The following NEGR1 variants were observed in gnomAD, a reference collection of about 807,000 sequenced individuals.
NEGR1 encodes the protein IgLON family member 4.
In NEGR1, 10 loss-of-function variants were observed where a neutral mutation model predicts 40.9. The ratio of observed to expected loss-of-function variants is 0.24; its 90% CI spans 0.15 to 0.42. The LOEUF is 0.42. NEGR1 is among the 10% of genes least tolerant of loss of function. NEGR1 has a pLI of 1.00. For synonymous variants in NEGR1, 185 were observed against 166.8 expected (o/e 1.11, Z -0.84); for missense variants, 352 against 438.9 (o/e 0.80, Z 1.77).
intron 1 of NEGR1, among the ~76,000 whole-genome samples, chr1:72,062,570 C>T (rs898631758): frequency 2.0e-5 from 3 of 151,932 alleles, no homozygotes; most frequent in African/African-American, 7.2e-5. Context: ...TTAAAAAGAA[C>T]TTTGAGGACA....
At chr1:72,076,627 G>A (rs1204540531) in intron 1 of NEGR1, among the ~76,000 whole-genome samples, 1 of 151,218 alleles carries the variant, frequency 6.6e-6, no homozygotes, top group Non-Finnish European at 1.5e-5. Flanking sequence ...CAATTTCTAC[G>A]ATAATATAAT....
intron 1 of NEGR1, among the ~76,000 whole-genome samples, chr1:72,225,871 T>G (rs993775137): frequency 6.6e-6 from 1 of 151,774 alleles, no homozygotes; most frequent in Non-Finnish European, 1.5e-5. Context: ...TCTGTCACTT[T>G]TGATGAAAGT....
intron 4 of NEGR1, among the ~76,000 whole-genome samples, chr1:71,687,444 C>CTGT (rs1203439471): frequency 6.6e-6 from 1 of 152,170 alleles, no homozygotes; most frequent in Non-Finnish European, 1.5e-5. Context: ...TTTTGCACTG[C>CTGT]TGTTAGCTTT....
intron 2 of NEGR1, among the ~76,000 whole-genome samples, chr1:71,922,313 C>A (rs1156833970): frequency 6.6e-6 from 1 of 152,114 alleles, no homozygotes; most frequent in East Asian, 1.9e-4. Context: ...TTGAGTGAAC[C>A]CTGCCAGAAA....
intron 1 of NEGR1, among the ~76,000 whole-genome samples, chr1:72,168,072 C>G (rs998356451): frequency 1.3e-5 from 2 of 150,534 alleles, no homozygotes; most frequent in African/African-American, 4.9e-5. Flanking sequence ...GTGGCGTGAT[C>G]TCGGCTAACT....
chr1:71,614,117 A>T (rs1239365894), intron 4 of NEGR1, among the ~76,000 whole-genome samples: 1 of 152,010 alleles, frequency 6.6e-6, no homozygotes, highest in Non-Finnish European at 1.5e-5. Flanking sequence ...TCTAGAAAAC[A>T]TTGCAAGGAA....
chr1:71,827,602 CTG>C (rs1557667899), intron 2 of NEGR1, among the ~76,000 whole-genome samples: 1 of 151,816 alleles, frequency 6.6e-6, no homozygotes, highest in Non-Finnish European at 1.5e-5. Context: ...TTGTTCTCAA[CTG>C]AGAAAATACA....
rs1362067591 is a variant in NEGR1, at chr1:72,246,199, A to C, written c.176+36120T>G. ...CAGTCTTTTTCTCTCTCTTTCCATCACTTTCCTGACTAGATGGTTGAAACA... is the reference window on the plus strand; with the variant it reads ...CAGTCTTTTTCTCTCTCTTTCCATCCCTTTCCTGACTAGATGGTTGAAACA... On this transcript the variant is annotated intron_variant, in intron 1 of 6. Coordinates refer to ENST00000357731, the MANE Select transcript of NEGR1 (RefSeq NM_173808.3). Among the ~76,000 whole-genome samples, 5 of 48,050 alleles carry C rather than the reference A, an allele frequency of 1.0e-4. No homozygotes were observed. The East Asian group carries it at 1.1e-3, about 11-fold the overall frequency. The allele number at this position is 48,050 out of a possible 152,430, so 31.5% of individuals were successfully genotyped here. A position where few individuals can be genotyped will look rare whatever the true frequency, so the allele number is the denominator to read the frequency against.
At chr1:71,517,711 T>C (rs1219939547) in intron 6 of NEGR1, among the ~76,000 whole-genome samples, 1 of 110,004 alleles carries the variant, frequency 9.1e-6, no homozygotes, top group Non-Finnish European at 1.8e-5. Flanking sequence ...AACATAGTGT[T>C]GGAAGTTCTG....
chr1:71,715,586 G>C (rs1654246016), intron 3 of NEGR1, among the ~76,000 whole-genome samples: 1 of 152,112 alleles, frequency 6.6e-6, no homozygotes, highest in African/African-American at 2.4e-5. Context: ...TGAACACTTT[G>C]CTGCTAGAAA....
In NEGR1 at chr1:71,558,639, A is replaced by C. The variant is rs553710634; in HGVS notation, c.940+34178T>G. Among the ~76,000 whole-genome samples, 163 of 151,170 alleles carry C rather than the reference A, an allele frequency of 1.1e-3. 2 individuals are homozygous for C. The highest frequency in any genetic ancestry group is 1.4e-3 in the Admixed American group (21 of 15,132). On this transcript the variant is annotated intron_variant, in intron 6 of 6. Transcript: ENST00000357731. ...TTAAATTGTTCCAGTTTTGTAGCTT[A>C]AATTGTTCCAGTTTTGGTCACCTGG...
rs566429523 is a variant in NEGR1, at chr1:71,736,763, G to A, written c.536-38624C>T. Among the ~76,000 whole-genome samples, 12 of 152,184 alleles carry A rather than the reference G, an allele frequency of 7.9e-5. No individual in the cohort carries two copies. In the South Asian group the frequency reaches 1.7e-3, roughly 21 times the overall value. On this transcript the variant is annotated intron_variant, in intron 3 of 6. Transcript: ENST00000357731. ...TCAGATTAATGCTTTCCAATGTCTCGTATAATAAAAGAACTAAATATTTGC... is the reference window on the plus strand; with the variant it reads ...TCAGATTAATGCTTTCCAATGTCTCATATAATAAAAGAACTAAATATTTGC...
chr1:71,948,205 C>T (rs1049215855), intron 1 of NEGR1, among the ~76,000 whole-genome samples: 7 of 151,920 alleles, frequency 4.6e-5, no homozygotes, highest in Non-Finnish European at 8.8e-5. Flanking sequence ...CATGGATCAG[C>T]GAATTAAAAT....
chr1:71,669,057 C>A (rs1324031372), intron 4 of NEGR1, among the ~76,000 whole-genome samples: 1 of 152,122 alleles, frequency 6.6e-6, no homozygotes. Flanking sequence ...TTATATATTG[C>A]AATGTTGTGT....
intron 2 of NEGR1, among the ~76,000 whole-genome samples, chr1:71,907,189 G>A (rs1661300869): frequency 1.3e-5 from 2 of 152,048 alleles, no homozygotes; most frequent in Admixed American, 6.6e-5. Context: ...GAGATAACTC[G>A]TTTAAAGACA....
intron 1 of NEGR1, among the ~76,000 whole-genome samples, chr1:72,234,975 A>G (rs1393848174): frequency 2.0e-5 from 3 of 152,126 alleles, no homozygotes; most frequent in Non-Finnish European, 4.4e-5. Context: ...GTGTATGTTC[A>G]CTGCAACACT....
chr1:71,650,743 A>C (rs1651684911), intron 4 of NEGR1, among the ~76,000 whole-genome samples: 1 of 152,146 alleles, frequency 6.6e-6, no homozygotes, highest in Non-Finnish European at 1.5e-5. Flanking sequence ...CATGTGCTCT[A>C]AAATGGAATT....
At chr1:71,771,735 C>T (rs1427382577) in intron 3 of NEGR1, among the ~76,000 whole-genome samples, 3 of 111,732 alleles carry the variant, frequency 2.7e-5, no homozygotes, top group Non-Finnish European at 5.8e-5. Context: ...TGTGAATCCA[C>T]GAGTTCATGC....
intron 1 of NEGR1, among the ~76,000 whole-genome samples, chr1:71,956,128 T>A (rs1238790093): frequency 6.6e-6 from 1 of 152,166 alleles, no homozygotes; most frequent in African/African-American, 2.4e-5. Flanking sequence ...CAAACTGATA[T>A]ATTCTTTCTG....
Sources: gnomAD v4.1 joint callset for allele counts (sites outside exome capture counted in the v4.1 genomes callset) on GRCh38, gnomAD v4.1.1 for gene constraint, MANE v1.5 for transcripts, NCBI Gene and HGNC (gene_info 2026-07-23, HGNC 2026-07-21) for gene names.